VPS39: variants seen among roughly 807,000 people sequenced by gnomAD.
VPS39 encodes VPS39 subunit of HOPS complex.
In VPS39, 70 loss-of-function variants were observed where a neutral mutation model predicts 121.0. That is an observed-to-expected ratio of 0.58 (90% CI 0.48 to 0.71). The LOEUF (loss-of-function observed/expected upper bound fraction) is 0.71, where lower values mean the gene tolerates loss of function less well. Ranked by LOEUF, VPS39 falls within the 30% of genes least tolerant of loss-of-function variation. The pLI is 0.00. For missense variants in VPS39, 818 were observed against 1,051.5 expected, an observed-to-expected ratio of 0.78 and a Z score of 3.07; for synonymous variants, 378 against 398.1, an observed-to-expected ratio of 0.95 and a Z score of 0.60.
intron 10 of VPS39, 78 bp downstream of exon 10, chr15:42,178,140 T>G: frequency 3.1e-6 from 5 of 1,593,800 alleles, no homozygotes; most frequent in Non-Finnish European, 4.3e-6. Context: ...TAACCCAAAA[T>G]AAATATGAAC....
At chr15:42,170,198 C>G (rs933442584) in intron 11 of VPS39, among the ~76,000 whole-genome samples, 1 of 151,608 alleles carries the variant, frequency 6.6e-6, no homozygotes, top group Non-Finnish European at 1.5e-5. Context: ...GATCAAGAGA[C>G]TCAACAATAA....
At chr15:42,174,960 C>A (rs1357316004) in intron 10 of VPS39, among the ~76,000 whole-genome samples, 5 of 151,564 alleles carry the variant, frequency 3.3e-5, no homozygotes, top group Admixed American at 3.3e-4. Flanking sequence ...GGTGACAGAG[C>A]GAGACTCCAT....
chr15:42,184,427 T>C lies in VPS39; in HGVS notation c.718+90A>G, dbSNP rs949228108. The C allele has an allele frequency of 2.2e-5, 30 of 1,375,360 alleles. No homozygotes were observed. The African/African-American group carries it at 4.1e-4, about 19-fold the overall frequency. The allele number at this position is 1,375,360 out of a possible 1,614,324, so 85.2% of individuals were successfully genotyped here. A position where few individuals can be genotyped will look rare whatever the true frequency, so the allele number is the denominator to read the frequency against. On this transcript the variant is annotated intron_variant, in intron 8 of 24. Coordinates refer to ENST00000318006, the MANE Select transcript of VPS39 (RefSeq NM_015289.5). ...AAGTGAATGACACAACGTAAACCAG[T>C]CTGCTAAAGCTACGAATGGGACTCC...
chr15:42,170,098 C>A (rs1252205126), intron 11 of VPS39, among the ~76,000 whole-genome samples: 1 of 151,884 alleles, frequency 6.6e-6, no homozygotes, highest in Non-Finnish European at 1.5e-5. Context: ...TTCAAATACA[C>A]ACACATAATT....
At chr15:42,192,752 T>C (rs973052167) in intron 2 of VPS39, among the ~76,000 whole-genome samples, 1 of 151,820 alleles carries the variant, frequency 6.6e-6, no homozygotes, top group African/African-American at 2.4e-5. Context: ...CATTTAATAC[T>C]TCTCTTTTCT....
At chr15:42,174,792 T>C (rs867222270) in intron 10 of VPS39, among the ~76,000 whole-genome samples, 4 of 151,964 alleles carry the variant, frequency 2.6e-5, no homozygotes. Context: ...CTGGCCAACA[T>C]AGTGAAACCC....
Position 42,160,707 on chromosome 15 carries a change from C to G in VPS39, c.*47G>C, listed in dbSNP as rs1233318577. 6.4e-7 allele frequency: 1 copy of G among 1,572,258 alleles called. No individual in the cohort carries two copies. Among genetic ancestry groups the G allele is most frequent in the Non-Finnish European group, 8.8e-7 (1 of 1,142,042 alleles). On this transcript the variant is annotated 3_prime_UTR_variant, in exon 25 of 25. Coordinates refer to ENST00000318006, the MANE Select transcript of VPS39 (RefSeq NM_015289.5). Reference sequence around the variant, plus strand: ...TAAGGCCAGGTGCTCCTTCACCTCTCTGGGAGAGCCAAGCTGTCCATCCGC... The same window carrying G: ...TAAGGCCAGGTGCTCCTTCACCTCTGTGGGAGAGCCAAGCTGTCCATCCGC...
rs760541462 is a variant in VPS39 at position 42,191,573 on chromosome 15, A to G, written c.140-13T>C. On this transcript the variant is annotated splice_polypyrimidine_tract_variant and intron_variant, in intron 2 of 24. Coordinates refer to ENST00000318006, the MANE Select transcript of VPS39 (RefSeq NM_015289.5). Reference sequence around the variant, plus strand: ...AATCTGTTGCAACCTATGGAAAACAAATAAACACTGGTAGTTCCAAATACA... The same window carrying G: ...AATCTGTTGCAACCTATGGAAAACAGATAAACACTGGTAGTTCCAAATACA... 3 of 1,612,340 alleles carry G rather than the reference A, an allele frequency of 1.9e-6. No homozygotes were observed. The South Asian group carries it at 3.3e-5, about 18-fold the overall frequency.
chr15:42,164,501 A>G lies in VPS39; in HGVS notation c.1898-15T>C, dbSNP rs775636805. The G allele has an allele frequency of 3.1e-6, 5 of 1,613,530 alleles. No homozygotes were observed. The East Asian group carries it at 8.9e-5, about 29-fold the overall frequency. On this transcript the variant is annotated splice_polypyrimidine_tract_variant and intron_variant, in intron 18 of 24. Transcript: ENST00000318006. Reference sequence around the variant, plus strand: ...TGGGGTTTTGCCTTTAAGGGAAACCAAGCTCAAAATGAAAGGACACTGCCA... The same window carrying G: ...TGGGGTTTTGCCTTTAAGGGAAACCGAGCTCAAAATGAAAGGACACTGCCA...
chr15:42,198,440 T>G (rs1404112456), intron 2 of VPS39, among the ~76,000 whole-genome samples: 1 of 152,138 alleles, frequency 6.6e-6, no homozygotes, highest in East Asian at 1.9e-4. Flanking sequence ...AGCCTCAACC[T>G]CCTGGGCTCA....
In VPS39 at chr15:42,165,067, T is replaced by C; in HGVS notation, c.1826A>G (p.Asn609Ser). The C allele has an allele frequency of 1.2e-6, 2 of 1,614,212 alleles. No homozygotes were observed. The highest frequency in any genetic ancestry group is 1.7e-6 in the Non-Finnish European group (2 of 1,180,044). ...CTCACAGTATAGCTGGATCAGGCAGTTGTGGAACCGAGAGCCTGTCTCCTC... is the reference window on the plus strand; with the variant it reads ...CTCACAGTATAGCTGGATCAGGCAGCTGTGGAACCGAGAGCCTGTCTCCTC... ...VWEETGSRFH[N>S]CLIQLYCEKV... Residue 609 changes from asparagine to serine, a missense_variant, in exon 18 of 25, where the codon AAC becomes AGC. Coordinates refer to ENST00000318006, the MANE Select transcript of VPS39 (RefSeq NM_015289.5).
At chr15:42,182,813 C>G (rs781070563) in intron 8 of VPS39, among the ~76,000 whole-genome samples, 39 of 152,252 alleles carry the variant, frequency 2.6e-4, no homozygotes, top group Admixed American at 5.2e-4. Flanking sequence ...TGATGAAGGC[C>G]CCAGGCACTA....
chr15:42,169,419 T>C (rs922976430), intron 12 of VPS39, among the ~76,000 whole-genome samples: 1 of 152,226 alleles, frequency 6.6e-6, no homozygotes, highest in African/African-American at 2.4e-5. Context: ...ACAAAAAGTT[T>C]GTTTTAAAAA....
intron 5 of VPS39, among the ~76,000 whole-genome samples, chr15:42,188,626 C>T (rs1415815624): frequency 6.6e-6 from 1 of 152,140 alleles, no homozygotes; most frequent in African/African-American, 2.4e-5. Context: ...AATGCAAACG[C>T]TTCAACTTCA....
Position 42,206,752 on chromosome 15 carries a change from C to T in VPS39, c.73+1329G>A, listed in dbSNP as rs181481313. Among the ~76,000 whole-genome samples, 230 of 152,286 alleles carry T rather than the reference C, an allele frequency of 1.5e-3. 3 individuals carry two copies. The highest frequency in any genetic ancestry group is 0.015 in the Admixed American group (225 of 15,298). ...CCAGTGTGTGTCCTAGGAGCACAGGCACTGTTTCTTATTCATCATTGTATT... is the reference window on the plus strand; with the variant it reads ...CCAGTGTGTGTCCTAGGAGCACAGGTACTGTTTCTTATTCATCATTGTATT... On this transcript the variant is annotated intron_variant, in intron 1 of 24. Coordinates refer to ENST00000318006, the MANE Select transcript of VPS39 (RefSeq NM_015289.5).
chr15:42,188,930 C>T (rs1595672121), intron 5 of VPS39, among the ~76,000 whole-genome samples, 184 bp downstream of exon 5: 1 of 152,152 alleles, frequency 6.6e-6, no homozygotes, highest in East Asian at 1.9e-4. Context: ...CGTGCCACTA[C>T]ACTCTAGCCT....
intron 1 of VPS39, 128 bp downstream of exon 1, chr15:42,207,952 TA>T: frequency 1.0e-6 from 1 of 982,702 alleles, no homozygotes; most frequent in Non-Finnish European, 1.5e-6. Context: ...TCTCTCATCC[TA>T]AGCCCCTCTC....
intron 1 of VPS39, among the ~76,000 whole-genome samples, chr15:42,205,078 ATT>A (rs1329317590): frequency 6.6e-6 from 1 of 152,162 alleles, no homozygotes; most frequent in Non-Finnish European, 1.5e-5. Flanking sequence ...ACAGATTAGC[ATT>A]TAACAACTGC....
chr15:42,165,701 A>G lies in VPS39; in HGVS notation c.1779+17T>C, dbSNP rs1385357758. 6.2e-7 allele frequency: 1 copy of G among 1,610,150 alleles called. No individual in the cohort carries two copies. Among genetic ancestry groups the G allele is most frequent in the Non-Finnish European group, 8.5e-7 (1 of 1,176,512 alleles). ...CTGGGTTTAAAGCTTTTTAGTGCAG[A>G]CCAAAAAATACCTTACCAGATAAGG... On this transcript the variant is annotated intron_variant, in intron 17 of 24. Transcript: ENST00000318006.
Sources: allele counts gnomAD v4.1 joint callset (sites outside exome capture counted in the v4.1 genomes callset), GRCh38; gene constraint gnomAD v4.1.1; transcripts MANE v1.5; gene names NCBI Gene and HGNC (gene_info 2026-07-23, HGNC 2026-07-21).